Variants in KIF6 observed in about 807,000 individuals in gnomAD.
KIF6 encodes the protein kinesin family member 6.
A neutral mutation model predicts 112.7 loss-of-function variants in KIF6; 106 were observed. The observed-to-expected ratio is 0.94, with a 90% CI of 0.80 to 1.11. The LOEUF is 1.11. Among genes scored for constraint, KIF6 ranks in the 50% least tolerant of loss-of-function variants. The pLI is 0.00. For missense variants in KIF6, 929 were observed against 964.0 expected (o/e 0.96, Z 0.48); for synonymous variants, 339 against 339.9 (o/e 1.00, Z 0.03).
chr6:39,592,697 T>C (rs954022145), intron 7 of KIF6, among the ~76,000 whole-genome samples: 1 of 152,360 alleles, frequency 6.6e-6, no homozygotes, highest in East Asian at 1.9e-4. Context: ...ACCCTGTTAT[T>C]GTGGCTTAAA....
At chr6:39,553,129 C>T (rs536330525) in intron 10 of KIF6, among the ~76,000 whole-genome samples, 3 of 152,324 alleles carry the variant, frequency 2.0e-5, no homozygotes, top group South Asian at 4.1e-4. Flanking sequence ...GTATTATATA[C>T]ATTATATGCT....
intron 13 of KIF6, among the ~76,000 whole-genome samples, chr6:39,463,089 C>G (rs1299531850): frequency 1.3e-5 from 2 of 152,052 alleles, no homozygotes; most frequent in Non-Finnish European, 2.9e-5. Flanking sequence ...AAATTTTGCC[C>G]AACCCTCTCT....
Position 39,342,621 on chromosome 6 carries a change from A to AT in KIF6, c.2428+1087dup, listed in dbSNP as rs962757165. 1.3e-4 allele frequency among the ~76,000 whole-genome samples: 11 copies of AT among 84,540 alleles called. No individual in the cohort carries two copies. The highest frequency in any genetic ancestry group is 6.5e-4 in the South Asian group (2 of 3,056). The allele number at this position is 84,540 out of a possible 152,430, so 55.5% of individuals were successfully genotyped here. On this transcript the variant is annotated intron_variant, in intron 22 of 22. Transcript: ENST00000287152. The surrounding 1 kb of genome is among the most constrained non-coding windows in gnomAD (Gnocchi z 4.7). ...TTTTTATTTTTTTTTATTTTTTTTT[A>AT]TTTTTTTTTATTTTTAGACAAGGAA... is the stretch of plus-strand genomic sequence containing the variant.
intron 15 of KIF6, among the ~76,000 whole-genome samples, chr6:39,392,681 A>T (rs1767983880): frequency 1.3e-5 from 2 of 152,230 alleles, no homozygotes; most frequent in South Asian, 4.1e-4. Flanking sequence ...TCAAAAGTGA[A>T]TTAGTGAATT....
intron 13 of KIF6, among the ~76,000 whole-genome samples, chr6:39,477,064 C>A (rs1198414549): frequency 6.6e-6 from 1 of 152,062 alleles, no homozygotes; most frequent in East Asian, 1.9e-4. Flanking sequence ...GAAGTCAGTC[C>A]CCTCAGTTAA....
intron 7 of KIF6, among the ~76,000 whole-genome samples, chr6:39,587,079 CCTTACT>C (rs1781678583): frequency 6.6e-6 from 1 of 152,162 alleles, no homozygotes; most frequent in Admixed American, 6.5e-5. Flanking sequence ...GGCTTGCTCA[CCTTACT>C]CTTCATGAGT....
At chr6:39,434,586 A>C (rs1771395857) in intron 13 of KIF6, among the ~76,000 whole-genome samples, 1 of 149,966 alleles carries the variant, frequency 6.7e-6, no homozygotes, top group African/African-American at 2.5e-5. Flanking sequence ...AAAACAAAAC[A>C]AAAAAACAAA....
At chr6:39,557,106 T>C (rs1207387852) in intron 10 of KIF6, among the ~76,000 whole-genome samples, 1 of 152,078 alleles carries the variant, frequency 6.6e-6, no homozygotes, top group African/African-American at 2.4e-5. Context: ...TACATAGATA[T>C]AAAATTAACG....
intron 13 of KIF6, 177 bp from the exon 14 acceptor site, chr6:39,431,338 C>T (rs1290676939): frequency 1.7e-6 from 1 of 573,558 alleles, no homozygotes; most frequent in African/African-American, 1.9e-5. Context: ...GCTGAGGAGG[C>T]CCTTCCAGTG....
intron 13 of KIF6, among the ~76,000 whole-genome samples, chr6:39,439,479 T>A (rs534681832): frequency 6.6e-6 from 1 of 152,288 alleles, no homozygotes; most frequent in Non-Finnish European, 1.5e-5. Context: ...TGAGTCTCAT[T>A]CTCCAAAAGA....
intron 10 of KIF6, among the ~76,000 whole-genome samples, chr6:39,549,239 G>T (rs765263011): frequency 1.1e-4 from 17 of 150,668 alleles, no homozygotes; most frequent in Non-Finnish European, 2.4e-4. Context: ...AAAAAAAAAA[G>T]CTCTCTCTGT....
intron 14 of KIF6, among the ~76,000 whole-genome samples, chr6:39,427,715 A>G (rs1770871154): frequency 6.6e-6 from 1 of 152,198 alleles, no homozygotes; most frequent in Admixed American, 6.5e-5. Flanking sequence ...CACAAGGAAG[A>G]TGGGATCATT....
chr6:39,495,542 A>G (rs1283516309), intron 13 of KIF6, among the ~76,000 whole-genome samples: 2 of 152,148 alleles, frequency 1.3e-5, no homozygotes, highest in African/African-American at 2.4e-5. Context: ...CTTATAGTAT[A>G]TTGCAAAGAG....
chr6:39,430,808 G>A (rs565303828), intron 14 of KIF6, among the ~76,000 whole-genome samples: 3 of 152,336 alleles, frequency 2.0e-5, no homozygotes, highest in African/African-American at 7.2e-5. Flanking sequence ...TGTAAATCAC[G>A]TTGATACTGT....
Position 39,665,707 on chromosome 6 carries a change from G to A in KIF6, c.252-25950C>T, listed in dbSNP as rs1167385954. Reference sequence around the variant, plus strand: ...ATATTTTGAAGTCTTACATCGCAGTGAAGAGCTGTTTTTTTTTTCTTTTAG... The same window carrying A: ...ATATTTTGAAGTCTTACATCGCAGTAAAGAGCTGTTTTTTTTTTCTTTTAG... On this transcript the variant is annotated intron_variant, in intron 3 of 22. Transcript: ENST00000287152. Among the ~76,000 whole-genome samples, 5 of 152,068 alleles carry A rather than the reference G, an allele frequency of 3.3e-5. No homozygotes were observed. The East Asian group carries it at 9.6e-4, about 29-fold the overall frequency.
chr6:39,566,259 T>C (rs761241486), intron 10 of KIF6, among the ~76,000 whole-genome samples: 3 of 152,242 alleles, frequency 2.0e-5, no homozygotes, highest in East Asian at 1.9e-4. Context: ...TATCCACTTA[T>C]ATATATTACA....
intron 2 of KIF6, among the ~76,000 whole-genome samples, chr6:39,716,996 A>T (rs1225747718): frequency 6.6e-6 from 1 of 152,136 alleles, no homozygotes; most frequent in Non-Finnish European, 1.5e-5. Flanking sequence ...TTATTTCTCA[A>T]CATTTCCACT....
chr6:39,386,111 C>G (rs1767396009), intron 15 of KIF6, among the ~76,000 whole-genome samples: 1 of 152,190 alleles, frequency 6.6e-6, no homozygotes, highest in Admixed American at 6.5e-5. Context: ...GTGGTTTTAA[C>G]TGACAATAAC....
Position 39,384,626 on chromosome 6 carries a change from A to G in KIF6, c.1861+996T>C, listed in dbSNP as rs192603196. Among the ~76,000 whole-genome samples the G allele has an allele frequency of 3.3e-3, 499 of 152,228 alleles. 3 individuals are homozygous for G. The highest frequency in any genetic ancestry group is 5.5e-3 in the Non-Finnish European group (375 of 68,018). ...ACAACCAACTTTCCTAATAATACAA[A>G]TTACCAAAGTCAAATGAGCCATCGT... On this transcript the variant is annotated intron_variant, in intron 16 of 22. Coordinates refer to ENST00000287152, the MANE Select transcript of KIF6 (RefSeq NM_145027.6).
Sources: allele counts gnomAD v4.1 joint callset (sites outside exome capture counted in the v4.1 genomes callset), GRCh38; gene constraint gnomAD v4.1.1; non-coding constraint Gnocchi (gnomAD v3.1); transcripts MANE v1.5; gene names NCBI Gene and HGNC (gene_info 2026-07-23, HGNC 2026-07-21).